RXFP1: variants seen among roughly 807,000 people sequenced by gnomAD.
The protein encoded by RXFP1 is relaxin receptor 1.
In RXFP1, 73 loss-of-function variants were observed where a neutral mutation model predicts 89.8. The ratio of observed to expected loss-of-function variants is 0.81; its 90% CI spans 0.67 to 0.99. RXFP1 has a LOEUF of 0.99. RXFP1 is among the 50% of genes least tolerant of loss of function. The probability of loss-of-function intolerance (pLI) is 0.00; values close to 1 mark genes in which losing one functional copy is unlikely to be tolerated. For synonymous variants in RXFP1, 277 were observed against 305.5 expected (o/e 0.91, Z 0.97); for missense variants, 793 against 895.5 (o/e 0.89, Z 1.46).
intron 12 of RXFP1, among the ~76,000 whole-genome samples, chr4:158,636,448 A>G (rs532078598): frequency 2.6e-5 from 4 of 152,140 alleles, no homozygotes; most frequent in Non-Finnish European, 5.9e-5. Context: ...CTCTGGTGGC[A>G]GCCCTTTCTT....
chr4:158,562,230 T>C (rs1752595901), intron 1 of RXFP1, among the ~76,000 whole-genome samples: 1 of 152,148 alleles, frequency 6.6e-6, no homozygotes, highest in Non-Finnish European at 1.5e-5. Context: ...ATTAATTTTA[T>C]TGTCTCTATA....
intron 6 of RXFP1, among the ~76,000 whole-genome samples, chr4:158,611,410 T>C (rs1284447137): frequency 1.3e-5 from 2 of 152,192 alleles, no homozygotes; most frequent in East Asian, 3.9e-4. Context: ...TCAAACCCTT[T>C]AGCAAGGGAT....
At chr4:158,623,359 A>T (rs1469711187) in intron 9 of RXFP1, among the ~76,000 whole-genome samples, 1 of 150,672 alleles carries the variant, frequency 6.6e-6, no homozygotes, top group Non-Finnish European at 1.5e-5. Flanking sequence ...AAAAAAAAAA[A>T]TTAGCCAAGC....
intron 1 of RXFP1, among the ~76,000 whole-genome samples, chr4:158,531,213 A>T (rs1350706105): frequency 6.6e-6 from 1 of 152,136 alleles, no homozygotes; most frequent in Non-Finnish European, 1.5e-5. Flanking sequence ...TTAAAAAAAA[A>T]TTTATAGAGA....
intron 9 of RXFP1, among the ~76,000 whole-genome samples, chr4:158,626,578 C>T (rs1766883208): frequency 6.6e-6 from 1 of 151,908 alleles, no homozygotes; most frequent in South Asian, 2.1e-4. Context: ...TATACATGCC[C>T]GTATGCACTC....
intron 6 of RXFP1, among the ~76,000 whole-genome samples, chr4:158,610,980 A>T (rs1447883718): frequency 6.6e-6 from 1 of 152,238 alleles, no homozygotes; most frequent in Non-Finnish European, 1.5e-5. Flanking sequence ...ATCTTGTATT[A>T]GTGGAAGTGA....
chr4:158,588,619 C>G (rs574456330), intron 2 of RXFP1, among the ~76,000 whole-genome samples: 1 of 152,210 alleles, frequency 6.6e-6, no homozygotes, highest in Non-Finnish European at 1.5e-5. Context: ...CCTTATACCT[C>G]TCTTCTAACC....
intron 11 of RXFP1, among the ~76,000 whole-genome samples, chr4:158,630,885 G>A (rs1334165099): frequency 6.6e-6 from 1 of 152,182 alleles, no homozygotes; most frequent in Admixed American, 6.5e-5. Context: ...AGTTAATGAG[G>A]ACAAAGAGGA....
chr4:158,617,272 A>T, intron 9 of RXFP1, 67 bp downstream of exon 9: 2 of 1,157,586 alleles, frequency 1.7e-6, no homozygotes, highest in Non-Finnish European at 2.5e-6. Context: ...TTCATTCCAG[A>T]TATAAGATTG....
At chr4:158,647,414 A>G (rs1247196715) in intron 16 of RXFP1, among the ~76,000 whole-genome samples, 3 of 152,176 alleles carry the variant, frequency 2.0e-5, no homozygotes, top group East Asian at 1.9e-4. Context: ...GCTAAGCAAC[A>G]TATGTTTTGG....
intron 8 of RXFP1, 111 bp downstream of exon 8, chr4:158,612,473 CT>C: frequency 1.4e-6 from 1 of 712,964 alleles, no homozygotes; most frequent in Non-Finnish European, 2.3e-6. Flanking sequence ...CCAAAGAGGC[CT>C]TTTCAATGAA....
At chr4:158,571,871 C>T (rs951404984) in intron 1 of RXFP1, among the ~76,000 whole-genome samples, 12 of 152,242 alleles carry the variant, frequency 7.9e-5, no homozygotes, top group Admixed American at 1.3e-4. Context: ...TGGCGATTCC[C>T]GCTCCCTTTT....
intron 1 of RXFP1, among the ~76,000 whole-genome samples, chr4:158,532,823 A>G (rs150884546): frequency 1.3e-5 from 2 of 152,280 alleles, no homozygotes; most frequent in East Asian, 1.9e-4. Context: ...TAGCTCACCC[A>G]TTCACCATCG....
intron 6 of RXFP1, 38 bp downstream of exon 6, chr4:158,608,081 T>C (rs1170662924): frequency 7.4e-7 from 1 of 1,351,456 alleles, no homozygotes; most frequent in Non-Finnish European, 1.1e-6. Context: ...CATTCCATGG[T>C]AGTCTGACAG....
intron 8 of RXFP1, among the ~76,000 whole-genome samples, chr4:158,614,412 C>T (rs1764154723): frequency 1.3e-5 from 2 of 152,164 alleles, no homozygotes; most frequent in Admixed American, 6.5e-5. Context: ...TTAGTGGAAC[C>T]ACCTTCATGA....
At chr4:158,553,981 A>G (rs1427117520) in intron 1 of RXFP1, among the ~76,000 whole-genome samples, 1 of 152,064 alleles carries the variant, frequency 6.6e-6, no homozygotes, top group East Asian at 1.9e-4. Flanking sequence ...ACATTTTTGG[A>G]CAGATAAATC....
chr4:158,522,561 C>A (rs546823622), intron 1 of RXFP1, among the ~76,000 whole-genome samples: 1 of 152,214 alleles, frequency 6.6e-6, no homozygotes, highest in East Asian at 1.9e-4. Context: ...AACATAGGCA[C>A]AAAAGAAGCT....
intron 1 of RXFP1, among the ~76,000 whole-genome samples, chr4:158,541,325 A>G (rs1372663650): frequency 7.4e-6 from 1 of 134,454 alleles, no homozygotes; most frequent in Non-Finnish European, 1.6e-5. Flanking sequence ...TGTGACTTAT[A>G]CCCAGAATTC....
chr4:158,616,634 A>G (rs905152227), intron 8 of RXFP1, among the ~76,000 whole-genome samples: 1 of 147,394 alleles, frequency 6.8e-6, no homozygotes, highest in Non-Finnish European at 1.5e-5. Flanking sequence ...TTTTATTACT[A>G]TCAAGTATTT....
Sources: gnomAD v4.1 joint callset for allele counts (sites outside exome capture counted in the v4.1 genomes callset) on GRCh38, gnomAD v4.1.1 for gene constraint, MANE v1.5 for transcripts, NCBI Gene and HGNC (gene_info 2026-07-23, HGNC 2026-07-21) for gene names.